The following ADGRE3 variants were observed in gnomAD, a reference collection of about 807,000 sequenced individuals.
ADGRE3 encodes the protein adhesion G protein-coupled receptor E3.
ADGRE3 carries 88 observed loss-of-function variants against 80.1 expected under a neutral mutation model. The ratio of observed to expected loss-of-function variants is 1.10; its 90% CI spans 0.93 to 1.31. The LOEUF (loss-of-function observed/expected upper bound fraction) is 1.31. Ranked by LOEUF, ADGRE3 falls within the 40% of genes most tolerant of loss-of-function variation. The probability of loss-of-function intolerance (pLI) is 0.00; values close to 1 mark genes in which losing one functional copy is unlikely to be tolerated. For synonymous variants in ADGRE3, 281 were observed against 294.8 expected, an observed-to-expected ratio of 0.95 and a Z score of 0.48; for missense variants, 715 against 776.5, an observed-to-expected ratio of 0.92 and a Z score of 0.94.
At chr19:14,602,932 T>A in the ADGRE3 span, among the ~76,000 whole-genome samples, 1 of 151,982 alleles carries the variant, frequency 6.6e-6, no homozygotes, top group Non-Finnish European at 1.5e-5. Context: ...ATGGGGTTTC[T>A]CCATGTTGGC....
At position 14,630,132 on chromosome 19, in the gene ADGRE3, A is replaced by T; in HGVS notation, c.1719T>A (p.Gly573=). ...CTWCLGLLQV[G]PAAQVMAYLF... ...GGTAGGCCATGACCTGGGCAGCTGG[A>T]CCCACCTGTAGCAAGCCCAGACACC... The change falls in exon 14 of 16, where the codon GGT becomes GGA. Residue 573 remains glycine (G), a synonymous_variant. Coordinates refer to ENST00000253673, the MANE Select transcript of ADGRE3 (RefSeq NM_032571.5). The T allele has an allele frequency of 6.2e-7, 1 of 1,613,616 alleles. No homozygotes were observed. The highest frequency in any genetic ancestry group is 8.5e-7 in the Non-Finnish European group (1 of 1,179,676).
At chr19:14,609,925 A>G in the ADGRE3 span, 1 of 626,358 alleles carries the variant, frequency 1.6e-6, no homozygotes. Flanking sequence ...CCCGGCTTAC[A>G]GGTGTAAGGC....
intron 11 of ADGRE3, among the ~76,000 whole-genome samples, chr19:14,636,270 G>A (rs1971084779): frequency 7.0e-6 from 1 of 142,716 alleles, no homozygotes; most frequent in Non-Finnish European, 1.5e-5. Flanking sequence ...TTTAGGTTGG[G>A]GTGCGTTGGT....
chr19:14,636,057 CTTCCTTTCCT>C (rs1555755758), intron 11 of ADGRE3, among the ~76,000 whole-genome samples: 1 of 63,604 alleles, frequency 1.6e-5, no homozygotes, highest in African/African-American at 6.1e-5. Context: ...TCCTTCCTTC[CTTCCTTTCCT>C]TTCCTTTCCT....
Position 14,619,236 on chromosome 19 carries a change from T to C in ADGRE3, c.*197A>G, listed in dbSNP as rs2075102463. The C allele has an allele frequency of 3.3e-6, 2 of 600,530 alleles. No individual in the cohort carries two copies. The highest frequency in any genetic ancestry group is 2.0e-5 in the South Asian group (1 of 51,218). The allele number at this position is 600,530 out of a possible 1,614,324, so 37.2% of individuals were successfully genotyped here. A position where few individuals can be genotyped will look rare whatever the true frequency, so the allele number is the denominator to read the frequency against. ...GGACAAGCATTGACTGAATACACCA[T>C]AGTGAAGAGAAATGCAATTTACCAC... On this transcript the variant is annotated 3_prime_UTR_variant, in exon 16 of 16. Transcript: ENST00000253673.
At chr19:14,667,846 G>A (rs952679618) in intron 2 of ADGRE3, among the ~76,000 whole-genome samples, 3 of 152,062 alleles carry the variant, frequency 2.0e-5, no homozygotes, top group African/African-American at 7.2e-5. Context: ...ATAAATTTAC[G>A]ATCTTAGCCA....
At chr19:14,626,278 T>C (rs1224735483) in intron 14 of ADGRE3, among the ~76,000 whole-genome samples, 1 of 151,654 alleles carries the variant, frequency 6.6e-6, no homozygotes, top group Non-Finnish European at 1.5e-5. Context: ...CTACTAAAAA[T>C]ACAAAATAAT....
the ADGRE3 span, among the ~76,000 whole-genome samples, chr19:14,600,428 C>G: frequency 6.6e-6 from 1 of 152,134 alleles, no homozygotes; most frequent in Non-Finnish European, 1.5e-5. Context: ...GGTTTTATCT[C>G]TAACATGAAA....
At chr19:14,628,747 G>A in intron 14 of ADGRE3, 2 of 338,040 alleles carry the variant, frequency 5.9e-6, no homozygotes, top group South Asian at 5.3e-5. Context: ...CAGACAGCCA[G>A]TGTTACAAGG....
At chr19:14,648,013 C>T (rs746567738) in intron 7 of ADGRE3, among the ~76,000 whole-genome samples, 4 of 140,138 alleles carry the variant, frequency 2.9e-5, no homozygotes, top group Non-Finnish European at 6.0e-5. Flanking sequence ...ACCCAAGAGG[C>T]GGAGGCTGAA....
intron 5 of ADGRE3, among the ~76,000 whole-genome samples, chr19:14,655,635 T>C (rs1011843053): frequency 6.6e-6 from 1 of 152,050 alleles, no homozygotes; most frequent in Admixed American, 6.6e-5. Flanking sequence ...TTTTTAATTT[T>C]TTTTTTTGTA....
chr19:14,624,028 G>C (rs535732669), intron 15 of ADGRE3, among the ~76,000 whole-genome samples: 1 of 151,926 alleles, frequency 6.6e-6, no homozygotes, highest in East Asian at 1.9e-4. Context: ...CAAACTCCTG[G>C]GCTCAAGCGA....
At chr19:14,657,420 T>C (rs1408141467) in intron 5 of ADGRE3, among the ~76,000 whole-genome samples, 1 of 152,048 alleles carries the variant, frequency 6.6e-6, no homozygotes, top group African/African-American at 2.4e-5. Flanking sequence ...TACTCTCTCT[T>C]GGCCTGTCTT....
At chr19:14,621,581 T>C in intron 15 of ADGRE3, 1 of 719,868 alleles carries the variant, frequency 1.4e-6, no homozygotes, top group Non-Finnish European at 2.2e-6. Context: ...ACTGTGACTA[T>C]GGAAATTGCT....
chr19:14,654,267 T>G (rs1173569502), intron 6 of ADGRE3, among the ~76,000 whole-genome samples: 3 of 150,126 alleles, frequency 2.0e-5, no homozygotes, highest in African/African-American at 2.5e-5. Context: ...ACCTGTTTTT[T>G]TTTTTTTTTT....
the ADGRE3 span, among the ~76,000 whole-genome samples, chr19:14,613,670 G>T: frequency 2.0e-5 from 3 of 151,796 alleles, no homozygotes; most frequent in Admixed American, 1.3e-4. Flanking sequence ...AAATCTACTT[G>T]TTCTTTTATT....
the ADGRE3 span, chr19:14,606,872 G>C: frequency 2.7e-6 from 1 of 370,060 alleles, no homozygotes; most frequent in Admixed American, 4.7e-5. Flanking sequence ...CATGGGGACG[G>C]GGACGGGTTG....
At chr19:14,634,779 G>A (rs1329549139) in intron 11 of ADGRE3, among the ~76,000 whole-genome samples, 2 of 152,130 alleles carry the variant, frequency 1.3e-5, no homozygotes, top group Admixed American at 6.6e-5. Flanking sequence ...CACTAACATG[G>A]ATCCTAAGGT....
intron 14 of ADGRE3, among the ~76,000 whole-genome samples, chr19:14,626,015 T>TG (rs916345749): frequency 6.6e-6 from 1 of 152,082 alleles, no homozygotes; most frequent in African/African-American, 2.4e-5. Context: ...TGGATGTTGG[T>TG]GATGGTTGCA....
Sources: allele counts gnomAD v4.1 joint callset (sites outside exome capture counted in the v4.1 genomes callset), GRCh38; gene constraint gnomAD v4.1.1; transcripts MANE v1.5; gene names NCBI Gene and HGNC (gene_info 2026-07-23, HGNC 2026-07-21).